Variants in LINGO2 observed in about 807,000 individuals in gnomAD.
The protein encoded by LINGO2 is leucine rich repeat and Ig domain containing 2, also known as leucine-rich repeat and immunoglobulin-like domain-containing nogo receptor-interacting protein 2.
In LINGO2, 14 loss-of-function variants were observed where a neutral mutation model predicts 30.6. The ratio of observed to expected loss-of-function variants is 0.46; its 90% CI spans 0.30 to 0.72. The LOEUF is 0.72. LINGO2 is among the 30% of genes least tolerant of loss of function. The pLI is 0.07. For synonymous variants in LINGO2, 317 were observed against 288.5 expected, an observed-to-expected ratio of 1.10 and a Z score of -1.00; for missense variants, 729 against 751.7, an observed-to-expected ratio of 0.97 and a Z score of 0.35.
rs554217803 is a variant in LINGO2 at position 28,330,596 on chromosome 9, C to T, written c.-245-35230G>A. ...TACTGAATTTAGTAAAAGAATTATA[C>T]GAATAAATAAATAAATAATGGCTCT... On this transcript the variant is annotated intron_variant, in intron 3 of 5. Transcript: ENST00000379992. 3.6e-4 allele frequency among the ~76,000 whole-genome samples: 55 copies of T among 152,116 alleles called. 1 individual carries two copies. Among genetic ancestry groups the T allele is most frequent in the East Asian group, 1.4e-3 (7 of 5,182 alleles).
the LINGO2 span, among the ~76,000 whole-genome samples, chr9:28,902,557 A>T: frequency 2.0e-5 from 3 of 152,164 alleles, no homozygotes; most frequent in Non-Finnish European, 2.9e-5. Context: ...TATAGAGAGC[A>T]TTCTATCCAA....
At chr9:28,616,718 G>A (rs923666650) in intron 1 of LINGO2, among the ~76,000 whole-genome samples, 2 of 152,166 alleles carry the variant, frequency 1.3e-5, no homozygotes, top group African/African-American at 4.8e-5. Context: ...CAATCATTTG[G>A]ACTGGGCAGT....
At chr9:28,945,610 C>G in the LINGO2 span, among the ~76,000 whole-genome samples, 1 of 152,120 alleles carries the variant, frequency 6.6e-6, no homozygotes, top group Non-Finnish European at 1.5e-5. Flanking sequence ...TGCTCTGGTT[C>G]TGAATAATCA....
intron 3 of LINGO2, among the ~76,000 whole-genome samples, chr9:28,338,613 G>A (rs1825666991): frequency 6.6e-6 from 1 of 152,050 alleles, no homozygotes; most frequent in Non-Finnish European, 1.5e-5. Flanking sequence ...AGGGACCAGT[G>A]GAAGGTAAGT....
At chr9:29,081,878 G>A in the LINGO2 span, among the ~76,000 whole-genome samples, 2 of 151,752 alleles carry the variant, frequency 1.3e-5, no homozygotes, top group African/African-American at 2.4e-5. Flanking sequence ...TAAGGGATGT[G>A]AAGGACCTCT....
At chr9:28,065,979 T>C (rs549741280) in intron 4 of LINGO2, among the ~76,000 whole-genome samples, 1 of 152,196 alleles carries the variant, frequency 6.6e-6, no homozygotes, top group South Asian at 2.1e-4. Context: ...TCTCTGTAGC[T>C]TGACAACCTC....
intron 4 of LINGO2, among the ~76,000 whole-genome samples, chr9:28,170,534 T>G (rs960625361): frequency 2.0e-5 from 3 of 152,218 alleles, no homozygotes; most frequent in Admixed American, 2.0e-4. Flanking sequence ...CTGCCTCTAC[T>G]TCTGGAATCA....
intron 1 of LINGO2, among the ~76,000 whole-genome samples, chr9:28,557,742 C>A (rs1030810142): frequency 6.7e-4 from 101 of 150,104 alleles, no homozygotes; most frequent in African/African-American, 2.5e-3. Flanking sequence ...GACTTGGAAC[C>A]AACCCAAATG....
At chr9:28,666,418 T>C (rs1338698637) in intron 1 of LINGO2, among the ~76,000 whole-genome samples, 1 of 152,142 alleles carries the variant, frequency 6.6e-6, no homozygotes, top group Non-Finnish European at 1.5e-5. Flanking sequence ...TGGCCAACAC[T>C]TTATCCAATC....
At chr9:27,940,314 C>T in the LINGO2 span, 1 of 152,100 alleles carries the variant, frequency 6.6e-6, no homozygotes, top group Non-Finnish European at 1.5e-5. Flanking sequence ...TAAGCGATCT[C>T]CTTCCCAATC....
At chr9:28,043,062 T>C (rs1345337868) in intron 4 of LINGO2, among the ~76,000 whole-genome samples, 1 of 152,192 alleles carries the variant, frequency 6.6e-6, no homozygotes, top group Non-Finnish European at 1.5e-5. Context: ...ACAGGCAAAT[T>C]GGGGCACCCT....
the LINGO2 span, among the ~76,000 whole-genome samples, chr9:28,978,395 T>TGATA: frequency 6.6e-6 from 1 of 152,142 alleles, no homozygotes; most frequent in Non-Finnish European, 1.5e-5. Flanking sequence ...TCTGTGCCTA[T>TGATA]GATAGGGTAT....
At chr9:28,883,724 C>T in the LINGO2 span, among the ~76,000 whole-genome samples, 1 of 143,434 alleles carries the variant, frequency 7.0e-6, no homozygotes, top group Non-Finnish European at 1.5e-5. Flanking sequence ...GTCACCCAGG[C>T]TGAAGTGCAG....
intron 4 of LINGO2, among the ~76,000 whole-genome samples, chr9:28,220,387 C>G (rs958994407): frequency 6.6e-6 from 1 of 152,084 alleles, no homozygotes; most frequent in African/African-American, 2.4e-5. Context: ...CGTTATCACA[C>G]AAAAGCAAGT....
At chr9:28,811,918 C>G in the LINGO2 span, among the ~76,000 whole-genome samples, 1 of 152,034 alleles carries the variant, frequency 6.6e-6, no homozygotes, top group African/African-American at 2.4e-5. Context: ...CTTATTCACC[C>G]CTAGAACACA....
At chr9:28,640,508 C>A (rs960614261) in intron 1 of LINGO2, among the ~76,000 whole-genome samples, 1 of 143,304 alleles carries the variant, frequency 7.0e-6, no homozygotes, top group South Asian at 2.2e-4. Context: ...TTCTTGGAGG[C>A]CTTGTTCTTT....
At chr9:27,945,568 G>A (rs1284890791), downstream of LINGO2, among the ~76,000 whole-genome samples, 1 of 152,060 alleles carries the variant, frequency 6.6e-6, no homozygotes, top group African/African-American at 2.4e-5. Context: ...ATTTCTTTCT[G>A]GGATACTTTG....
chr9:28,321,337 C>T (rs1022760000), intron 3 of LINGO2, among the ~76,000 whole-genome samples: 4 of 152,086 alleles, frequency 2.6e-5, no homozygotes, highest in Admixed American at 6.5e-5. Context: ...CAAGATATAA[C>T]ATGTTAGAGG....
chr9:28,582,095 T>C (rs1178214030), intron 1 of LINGO2, among the ~76,000 whole-genome samples: 1 of 152,026 alleles, frequency 6.6e-6, no homozygotes, highest in East Asian at 1.9e-4. Flanking sequence ...TTAAATATCC[T>C]ATATTCTGCT....
Sources: gnomAD v4.1 joint callset for allele counts (sites outside exome capture counted in the v4.1 genomes callset) on GRCh38, gnomAD v4.1.1 for gene constraint, MANE v1.5 for transcripts, NCBI Gene and HGNC (gene_info 2026-07-23, HGNC 2026-07-21) for gene names.